TSPAN7: variants seen among roughly 807,000 people sequenced by gnomAD.
TSPAN7 encodes tetraspanin-7.
A neutral mutation model predicts 17.6 loss-of-function variants in TSPAN7; 1 was observed. The observed-to-expected ratio is 0.06, with a 90% CI of 0.02 to 0.27. The LOEUF (loss-of-function observed/expected upper bound fraction) is 0.27. TSPAN7 is among the 10% of genes least tolerant of loss of function. The pLI, the probability that TSPAN7 is intolerant of heterozygous loss-of-function variation, is 1.00. For missense variants in TSPAN7, 112 were observed against 201.7 expected (o/e 0.56, Z 2.69); for synonymous variants, 78 against 79.0 (o/e 0.99, Z 0.07).
chrX:38,623,846 A>G (rs942613680), intron 1 of TSPAN7, among the ~76,000 whole-genome samples: 2 of 105,659 alleles, frequency 1.9e-5, no homozygotes, highest in Non-Finnish European at 3.9e-5. Flanking sequence ...CCTTCCTTAA[A>G]CCCCCACTTC....
At chrX:38,645,880 A>G (rs948460511) in intron 1 of TSPAN7, among the ~76,000 whole-genome samples, 1 of 110,403 alleles carries the variant, frequency 9.1e-6, no homozygotes, top group Non-Finnish European at 1.9e-5. Flanking sequence ...CTTTTGTTTG[A>G]CATTTCCTGT....
At chrX:38,569,546 T>A (rs2069159283) in intron 1 of TSPAN7, among the ~76,000 whole-genome samples, 3 of 110,800 alleles carry the variant, frequency 2.7e-5, no homozygotes, top group Admixed American at 9.6e-5. Context: ...TACTGGAACC[T>A]ACTTATTTTA....
chrX:38,622,454 G>A (rs1044180882), intron 1 of TSPAN7, among the ~76,000 whole-genome samples: 1 of 112,232 alleles, frequency 8.9e-6, no homozygotes, highest in Non-Finnish European at 1.9e-5. Flanking sequence ...TGGGTGAGTT[G>A]GGAGCGTCGC....
At chrX:38,648,386 C>G (rs1037444433) in intron 1 of TSPAN7, among the ~76,000 whole-genome samples, 4 of 112,154 alleles carry the variant, frequency 3.6e-5, no homozygotes, top group African/African-American at 1.3e-4. Context: ...TCCTATTATT[C>G]CTGACCCCTT....
chrX:38,624,673 G>A lies in TSPAN7; in HGVS notation c.82-41448G>A, dbSNP rs1047471113. Among the ~76,000 whole-genome samples the A allele has an allele frequency of 2.7e-5, 3 of 112,584 alleles. No individual in the cohort carries two copies. In the Admixed American group the frequency reaches 2.8e-4, roughly 11 times the overall value. On this transcript the variant is annotated intron_variant, in intron 1 of 7. Transcript: ENST00000378482. Reference sequence around the variant, plus strand: ...GCAGAATTGTCTCGCCCAATTATAAGTAGTGTTTTTAATCTTTCTGTATCT... The same window carrying A: ...GCAGAATTGTCTCGCCCAATTATAAATAGTGTTTTTAATCTTTCTGTATCT...
chrX:38,657,289 TTTA>T (rs1053341722), intron 1 of TSPAN7, among the ~76,000 whole-genome samples: 2 of 111,835 alleles, frequency 1.8e-5, no homozygotes, highest in African/African-American at 3.3e-5. Context: ...CAAGGTGGCA[TTTA>T]TTATTATTTT....
At chrX:38,679,496 T>C (rs2069876190) in intron 5 of TSPAN7, among the ~76,000 whole-genome samples, 2 of 111,791 alleles carry the variant, frequency 1.8e-5, no homozygotes, top group Admixed American at 9.5e-5. Flanking sequence ...TCTCTTCTAC[T>C]ACCTTTTGAA....
At chrX:38,618,502 T>C (rs1227849422) in intron 1 of TSPAN7, among the ~76,000 whole-genome samples, 1 of 111,741 alleles carries the variant, frequency 8.9e-6, no homozygotes, top group East Asian at 2.8e-4. Context: ...TGAGGCATAA[T>C]TCCCCCTCTG....
intron 1 of TSPAN7, among the ~76,000 whole-genome samples, chrX:38,602,944 T>C (rs780625531): frequency 7.1e-5 from 8 of 112,079 alleles, no homozygotes; most frequent in African/African-American, 9.7e-5. Flanking sequence ...TACCGAACTA[T>C]TCAGACAGAC....
chrX:38,586,205 G>A (rs2147403093), intron 1 of TSPAN7, among the ~76,000 whole-genome samples: 1 of 111,957 alleles, frequency 8.9e-6, no homozygotes, highest in African/African-American at 3.2e-5. Context: ...CAGAGACCTG[G>A]CATTGGACTA....
intron 1 of TSPAN7, among the ~76,000 whole-genome samples, chrX:38,660,580 C>T (rs1032093525): frequency 4.5e-5 from 5 of 112,336 alleles, no homozygotes; most frequent in Admixed American, 1.9e-4. Context: ...TTCTGAGTTA[C>T]AGAATCCTCT....
intron 1 of TSPAN7, among the ~76,000 whole-genome samples, chrX:38,600,683 A>G (rs1458844147): frequency 8.9e-6 from 1 of 112,074 alleles, no homozygotes; most frequent in East Asian, 2.8e-4. Context: ...TCTTGCCTAC[A>G]TAGCTAGCAA....
At position 38,643,057 on chromosome X, in the gene TSPAN7, TTAAATGTCCAGGCAGATGA is replaced by T. The variant is rs1438954016; in HGVS notation, c.82-23062_82-23044del. ...CACAATGGGTCCTTAGCAAAGTTTC[TTAAATGTCCAGGCAGATGA>T]TGAGGAAAGACACAAAATTACATGA... On this transcript the variant is annotated intron_variant, in intron 1 of 7. Coordinates refer to ENST00000378482, the MANE Select transcript of TSPAN7 (RefSeq NM_004615.4). 9.0e-5 allele frequency among the ~76,000 whole-genome samples: 10 copies of T among 110,867 alleles called. No individual in the cohort carries two copies. In the East Asian group the frequency reaches 2.8e-3, roughly 32 times the overall value.
intron 1 of TSPAN7, among the ~76,000 whole-genome samples, chrX:38,616,850 T>A (rs2069458533): frequency 8.9e-6 from 1 of 111,886 alleles, no homozygotes; most frequent in African/African-American, 3.3e-5. Flanking sequence ...TGAGTGCTGG[T>A]ACCATACTCA....
At chrX:38,579,106 A>G (rs1271482020) in intron 1 of TSPAN7, among the ~76,000 whole-genome samples, 1 of 111,839 alleles carries the variant, frequency 8.9e-6, no homozygotes, top group Non-Finnish European at 1.9e-5. Flanking sequence ...TCTTTTATAT[A>G]TAACATGAAC....
chrX:38,564,497 T>C (rs2069131605), intron 1 of TSPAN7, among the ~76,000 whole-genome samples: 1 of 112,200 alleles, frequency 8.9e-6, no homozygotes, highest in Non-Finnish European at 1.9e-5. Flanking sequence ...CTATTGGGTA[T>C]GTACCTGGGA....
At chrX:38,638,087 G>A (rs1262802389) in intron 1 of TSPAN7, among the ~76,000 whole-genome samples, 1 of 111,477 alleles carries the variant, frequency 9.0e-6, no homozygotes, top group Non-Finnish European at 1.9e-5. Context: ...GGCATGGCAT[G>A]GGTCCCTGGC....
intron 1 of TSPAN7, among the ~76,000 whole-genome samples, chrX:38,643,347 G>T (rs940886782): frequency 9.1e-6 from 1 of 110,303 alleles, no homozygotes; most frequent in African/African-American, 3.3e-5. Flanking sequence ...GAATGTGTCT[G>T]CAATGTGGTT....
chrX:38,685,829 C>G (rs1171665759), intron 6 of TSPAN7, among the ~76,000 whole-genome samples: 5 of 111,894 alleles, frequency 4.5e-5, no homozygotes, highest in Non-Finnish European at 9.4e-5. Context: ...CATTTTGTAT[C>G]AAGGACTTGA....
Sources: allele counts gnomAD v4.1 joint callset (sites outside exome capture counted in the v4.1 genomes callset), GRCh38; gene constraint gnomAD v4.1.1; transcripts MANE v1.5; gene names NCBI Gene and HGNC (gene_info 2026-07-23, HGNC 2026-07-21).